GRM1: variants seen among roughly 807,000 people sequenced by gnomAD.
GRM1 encodes the protein glutamate metabotropic receptor 1.
In GRM1, 33 loss-of-function variants were observed where a neutral mutation model predicts 90.9. The ratio of observed to expected loss-of-function variants is 0.36; its 90% CI spans 0.28 to 0.49. GRM1 has a LOEUF of 0.49. Among genes scored for constraint, GRM1 ranks in the 20% least tolerant of loss-of-function variants. The pLI is 0.99. For synonymous variants in GRM1, 700 were observed against 613.2 expected, an observed-to-expected ratio of 1.14 and a Z score of -2.09; for missense variants, 1,190 against 1,534.3, an observed-to-expected ratio of 0.78 and a Z score of 3.75.
intron 4 of GRM1, among the ~76,000 whole-genome samples, chr6:146,354,735 T>C (rs1317773510): frequency 6.6e-6 from 1 of 152,150 alleles, no homozygotes; most frequent in Non-Finnish European, 1.5e-5. Context: ...ACTGAATGCA[T>C]TGAGAGGATG....
At chr6:146,236,557 A>C (rs986700820) in intron 2 of GRM1, among the ~76,000 whole-genome samples, 3 of 152,146 alleles carry the variant, frequency 2.0e-5, no homozygotes, top group African/African-American at 7.2e-5. Flanking sequence ...CTTTGTCTGC[A>C]TCTCAGGGAT....
chr6:146,421,769 G>A (rs912853952), intron 7 of GRM1, among the ~76,000 whole-genome samples: 1 of 152,068 alleles, frequency 6.6e-6, no homozygotes, highest in African/African-American at 2.4e-5. Context: ...ACTGCATTGT[G>A]CATATATATA....
intron 2 of GRM1, among the ~76,000 whole-genome samples, chr6:146,198,473 A>G (rs1779196094): frequency 6.6e-6 from 1 of 152,182 alleles, no homozygotes; most frequent in African/African-American, 2.4e-5. Flanking sequence ...AGTGGTTGCT[A>G]CTTGGTCTTT....
chr6:146,422,804 G>C (rs546883695), intron 7 of GRM1, among the ~76,000 whole-genome samples: 20 of 152,282 alleles, frequency 1.3e-4, no homozygotes, highest in African/African-American at 4.8e-4. Flanking sequence ...GAGATAGGCT[G>C]TTATATCAAG....
At chr6:146,071,861 C>T (rs544955637) in intron 1 of GRM1, among the ~76,000 whole-genome samples, 1 of 152,250 alleles carries the variant, frequency 6.6e-6, no homozygotes, top group South Asian at 2.1e-4. Flanking sequence ...TCAATGGAGG[C>T]TGCTACTGAA....
chr6:146,098,322 G>A (rs1776939141), intron 1 of GRM1, among the ~76,000 whole-genome samples: 1 of 152,052 alleles, frequency 6.6e-6, no homozygotes, highest in African/African-American at 2.4e-5. Context: ...AAAGGATATT[G>A]ATAATATTGT....
At chr6:146,308,496 G>T (rs2114935361) in intron 3 of GRM1, among the ~76,000 whole-genome samples, 1 of 152,290 alleles carries the variant, frequency 6.6e-6, no homozygotes, top group African/African-American at 2.4e-5. Flanking sequence ...TTTTGTAATT[G>T]TAAGTTTAAC....
chr6:146,342,712 C>A (rs1009455052), intron 3 of GRM1, among the ~76,000 whole-genome samples: 1 of 152,168 alleles, frequency 6.6e-6, no homozygotes, highest in Non-Finnish European at 1.5e-5. Flanking sequence ...ACAGAGCAAA[C>A]CTTTAATCAC....
rs546054736 is a variant in GRM1, at chr6:146,336,872, C to T, written c.1187-15378C>T. Among the ~76,000 whole-genome samples, 7 of 152,346 alleles carry T rather than the reference C, an allele frequency of 4.6e-5. No individual in the cohort carries two copies. In the East Asian group the frequency reaches 1.3e-3, roughly 29 times the overall value. On this transcript the variant is annotated intron_variant, in intron 3 of 7. Transcript: ENST00000282753. ...AATTAAAAACTTGTTCTGAATAATGCTTTTCCTAAAGAGTGATGTCCTGCC... is the reference window on the plus strand; with the variant it reads ...AATTAAAAACTTGTTCTGAATAATGTTTTTCCTAAAGAGTGATGTCCTGCC...
chr6:146,089,522 G>A (rs150916694), intron 1 of GRM1, among the ~76,000 whole-genome samples: 32 of 152,192 alleles, frequency 2.1e-4, no homozygotes, highest in African/African-American at 6.7e-4. Flanking sequence ...CCCAGCAATA[G>A]AAAATCAATA....
At chr6:146,277,446 G>A (rs1206660269) in intron 2 of GRM1, among the ~76,000 whole-genome samples, 1 of 152,188 alleles carries the variant, frequency 6.6e-6, no homozygotes, top group African/African-American at 2.4e-5. Flanking sequence ...GGTGAAAACT[G>A]ATTTTGCTTT....
At chr6:146,113,230 C>G (rs1185400010) in intron 1 of GRM1, among the ~76,000 whole-genome samples, 2 of 152,092 alleles carry the variant, frequency 1.3e-5, no homozygotes, top group African/African-American at 2.4e-5. Flanking sequence ...TCTACACTGC[C>G]AAGAAACACA....
chr6:146,102,505 G>A (rs1000969842), intron 1 of GRM1, among the ~76,000 whole-genome samples: 2 of 152,076 alleles, frequency 1.3e-5, no homozygotes, highest in Non-Finnish European at 2.9e-5. Flanking sequence ...CAGAAAACTG[G>A]TAATCATAGA....
chr6:146,406,756 C>T (rs1777362502), intron 7 of GRM1, among the ~76,000 whole-genome samples: 1 of 152,078 alleles, frequency 6.6e-6, no homozygotes, highest in Non-Finnish European at 1.5e-5. Context: ...ATAGCTTGAA[C>T]CTAGGAGGCG....
At chr6:146,091,903 C>A (rs2128867656) in intron 1 of GRM1, among the ~76,000 whole-genome samples, 1 of 152,148 alleles carries the variant, frequency 6.6e-6, no homozygotes, top group Non-Finnish European at 1.5e-5. Flanking sequence ...AAGTCAAGCT[C>A]AAGAAACACA....
intron 3 of GRM1, among the ~76,000 whole-genome samples, chr6:146,332,496 A>G (rs771948879): frequency 6.6e-6 from 1 of 152,176 alleles, no homozygotes; most frequent in Non-Finnish European, 1.5e-5. Flanking sequence ...TCTGGCAACA[A>G]TGGACGCAGT....
chr6:146,072,300 T>C (rs368540315), intron 1 of GRM1, among the ~76,000 whole-genome samples: 12 of 152,192 alleles, frequency 7.9e-5, no homozygotes, highest in African/African-American at 2.9e-4. Flanking sequence ...AGCTGTAACA[T>C]TTCCTAATAC....
At chr6:146,283,211 G>T (rs1228546109) in intron 2 of GRM1, among the ~76,000 whole-genome samples, 1 of 152,294 alleles carries the variant, frequency 6.6e-6, no homozygotes, top group South Asian at 2.1e-4. Flanking sequence ...CCTGCCATCT[G>T]CAGATGTGTG....
intron 2 of GRM1, among the ~76,000 whole-genome samples, chr6:146,247,143 C>T (rs537295308): frequency 3.6e-4 from 55 of 152,284 alleles, no homozygotes; most frequent in African/African-American, 1.2e-3. Context: ...ACACACGGCC[C>T]TCAGTAGGCA....
Sources: gnomAD v4.1 joint callset for allele counts (sites outside exome capture counted in the v4.1 genomes callset) on GRCh38, gnomAD v4.1.1 for gene constraint, MANE v1.5 for transcripts, NCBI Gene and HGNC (gene_info 2026-07-23, HGNC 2026-07-21) for gene names.